Variants in PTPN1 observed in about 807,000 individuals in gnomAD.
The protein encoded by PTPN1 is protein tyrosine phosphatase non-receptor type 1, also known as tyrosine-protein phosphatase non-receptor type 1.
In PTPN1, 12 loss-of-function variants were observed where a neutral mutation model predicts 59.9. The observed-to-expected ratio is 0.20, with a 90% CI of 0.13 to 0.32. The LOEUF (loss-of-function observed/expected upper bound fraction) is 0.32, where lower values mean the gene tolerates loss of function less well. Among genes scored for constraint, PTPN1 ranks in the 10% least tolerant of loss-of-function variants. PTPN1 has a pLI of 1.00. For missense variants in PTPN1, 356 were observed against 549.2 expected, an observed-to-expected ratio of 0.65 and a Z score of 3.52; for synonymous variants, 178 against 203.6, an observed-to-expected ratio of 0.87 and a Z score of 1.07.
intron 1 of PTPN1, among the ~76,000 whole-genome samples, chr20:50,552,481 C>G (rs184141681): frequency 1.3e-5 from 2 of 152,276 alleles, no homozygotes; most frequent in Admixed American, 1.3e-4. Context: ...CACCATTGAT[C>G]CCTGCAATCC....
Position 50,531,372 on chromosome 20 carries a change from C to G in PTPN1, c.63+20782C>G, listed in dbSNP as rs117805895. Among the ~76,000 whole-genome samples, 49 of 151,996 alleles carry G rather than the reference C, an allele frequency of 3.2e-4. 1 individual carries two copies. In the East Asian group the frequency reaches 9.3e-3, roughly 29 times the overall value. On this transcript the variant is annotated intron_variant, in intron 1 of 9. Coordinates refer to ENST00000371621, the MANE Select transcript of PTPN1 (RefSeq NM_002827.4). ...TCAAGGCGGGGTTGTTGGTGGGAGT[C>G]TTTTTTTGTTTGTTTGTTTTTTGAG...
At chr20:50,561,790 G>A (rs1000637535) in intron 2 of PTPN1, among the ~76,000 whole-genome samples, 1 of 152,208 alleles carries the variant, frequency 6.6e-6, no homozygotes, top group African/African-American at 2.4e-5. Context: ...CTCAGCAGCA[G>A]CGTCATTAGG....
intron 4 of PTPN1, chr20:50,571,679 T>C (rs968186006): frequency 1.3e-4 from 20 of 152,270 alleles, no homozygotes; most frequent in African/African-American, 4.8e-4. Flanking sequence ...AAACCAGTTA[T>C]GCAGAAGATG....
chr20:50,571,363 C>T (rs2082807697), intron 4 of PTPN1: 1 of 152,214 alleles, frequency 6.6e-6, no homozygotes, highest in African/African-American at 2.4e-5. Context: ...TGCAGATTGG[C>T]ATGAAAAGCA....
At chr20:50,557,023 T>A (rs1286725615) in intron 1 of PTPN1, among the ~76,000 whole-genome samples, 1 of 152,150 alleles carries the variant, frequency 6.6e-6, no homozygotes, top group African/African-American at 2.4e-5. Context: ...AAGAAGCAGA[T>A]GAAATTAATA....
At chr20:50,561,504 CT>C in intron 2 of PTPN1, 51 bp downstream of exon 2, 5 of 1,264,278 alleles carry the variant, frequency 4.0e-6, no homozygotes, top group Non-Finnish European at 5.6e-6. Flanking sequence ...TGCTGCAGGC[CT>C]TTTTAGTCAA....
chr20:50,523,309 G>A (rs1045753984), intron 1 of PTPN1, among the ~76,000 whole-genome samples: 5 of 152,184 alleles, frequency 3.3e-5, no homozygotes, highest in Non-Finnish European at 7.3e-5. Context: ...CATCTGGTAG[G>A]TGGTGGGGTG....
At chr20:50,549,647 TGC>T (rs2082693570) in intron 1 of PTPN1, among the ~76,000 whole-genome samples, 1 of 152,216 alleles carries the variant, frequency 6.6e-6, no homozygotes, top group Non-Finnish European at 1.5e-5. Context: ...GATTCTGGTT[TGC>T]TTTTTAGTAT....
At position 50,582,564 on chromosome 20, in the gene PTPN1, T is replaced by G. The variant is rs896321825; in HGVS notation, c.1285-128T>G. 7.3e-6 allele frequency: 7 copies of G among 961,084 alleles called. No homozygotes were observed. In the African/African-American group the frequency reaches 1.2e-4, roughly 16 times the overall value. 59.5% of individuals were successfully genotyped at this position (961,084 alleles called of 1,614,324 possible). On this transcript the variant is annotated intron_variant, in intron 9 of 9. Transcript: ENST00000371621. This position sits in a 1 kb window ranked among gnomAD's most constrained non-coding sequence, Gnocchi z 4.2. ...GGGGAGAGGGGGCTACTGTAAAAAA[T>G]AAAACCAAAACCCCCTTTGCTCCCT... is the stretch of plus-strand genomic sequence containing the variant.
chr20:50,526,759 T>C (rs1161134031), intron 1 of PTPN1, among the ~76,000 whole-genome samples: 2 of 152,128 alleles, frequency 1.3e-5, no homozygotes, highest in East Asian at 1.9e-4. Flanking sequence ...TCCCTCCTTA[T>C]GCATCTGAGA....
chr20:50,542,067 T>C (rs2122752092), intron 1 of PTPN1, among the ~76,000 whole-genome samples: 1 of 152,354 alleles, frequency 6.6e-6, no homozygotes, highest in Non-Finnish European at 1.5e-5. Flanking sequence ...ATGACATTAC[T>C]ACCTGACCCA....
At chr20:50,540,440 C>T (rs1033531473) in intron 1 of PTPN1, among the ~76,000 whole-genome samples, 3 of 152,154 alleles carry the variant, frequency 2.0e-5, no homozygotes, top group African/African-American at 7.2e-5. Flanking sequence ...TTTTAAACAA[C>T]CAGCTCTTAC....
chr20:50,581,153 A>ACTCTGT lies in PTPN1; in HGVS notation c.1089-109_1089-104dup. ...CTCGCTGGAAGGTTAACATCATCCA[A>ACTCTGT]CTCTGTCTACACGTGGCTTGTTTTT... On this transcript the variant is annotated intron_variant, in intron 8 of 9. Transcript: ENST00000371621. 8 of 1,447,092 alleles carry ACTCTGT rather than the reference A, an allele frequency of 5.5e-6. No homozygotes were observed. In the South Asian group the frequency reaches 1.2e-4, roughly 21 times the overall value. 89.6% of individuals were successfully genotyped at this position (1,447,092 alleles called of 1,614,324 possible).
At chr20:50,545,854 C>A (rs6020598) in intron 1 of PTPN1, among the ~76,000 whole-genome samples, 4 of 151,472 alleles carry the variant, frequency 2.6e-5, no homozygotes, top group East Asian at 1.9e-4. Context: ...CCCCTCCCCC[C>A]GTCTCTACAA....
chr20:50,530,691 T>A (rs1185050394), intron 1 of PTPN1, among the ~76,000 whole-genome samples: 1 of 151,214 alleles, frequency 6.6e-6, no homozygotes, highest in South Asian at 2.1e-4. Flanking sequence ...CTGGCCAATT[T>A]TTTTTTTTTT....
chr20:50,580,006 C>G, intron 8 of PTPN1, 80 bp downstream of exon 8: 1 of 1,316,332 alleles, frequency 7.6e-7, no homozygotes. Context: ...TACTGAAACC[C>G]TGTGGATGCA....
chr20:50,576,975 T>G (rs2082840051), intron 5 of PTPN1, among the ~76,000 whole-genome samples: 1 of 152,126 alleles, frequency 6.6e-6, no homozygotes, highest in African/African-American at 2.4e-5. Flanking sequence ...TTCTTTAATG[T>G]CATTAAGGTT....
Position 50,568,963 on chromosome 20 carries a change from G to A in PTPN1, c.354+485G>A, listed in dbSNP as rs894826778. 7.2e-5 allele frequency among the ~76,000 whole-genome samples: 11 copies of A among 151,958 alleles called. No homozygotes were observed. Among genetic ancestry groups the A allele is most frequent in the East Asian group, 1.9e-4 (1 of 5,188 alleles). On this transcript the variant is annotated intron_variant, in intron 4 of 9. Transcript: ENST00000371621. This position sits in a 1 kb window ranked among gnomAD's most constrained non-coding sequence, Gnocchi z 5.6. ...GACTCTTGCCCTGCCACACCTCTTC[G>A]GAGTGAGCATTGACTTCAGGATGTG...
intron 1 of PTPN1, among the ~76,000 whole-genome samples, chr20:50,561,051 C>T (rs2082749959): frequency 6.6e-6 from 1 of 152,206 alleles, no homozygotes; most frequent in African/African-American, 2.4e-5. Context: ...CTACTGCCCA[C>T]TCACTGTTCC....
Sources: gnomAD v4.1 joint callset for allele counts (sites outside exome capture counted in the v4.1 genomes callset) on GRCh38, gnomAD v4.1.1 for gene constraint, Gnocchi (gnomAD v3.1) non-coding constraint, MANE v1.5 for transcripts, NCBI Gene and HGNC (gene_info 2026-07-23, HGNC 2026-07-21) for gene names.